Variants in NELL1 observed in about 807,000 individuals in gnomAD.
The protein encoded by NELL1 is neural EGFL like 1.
Under a neutral mutation model 107.4 loss-of-function variants are expected in NELL1, and 76 were observed. The observed-to-expected ratio is 0.71, with a 90% CI of 0.59 to 0.86. The LOEUF (loss-of-function observed/expected upper bound fraction) is 0.86, where lower values mean the gene tolerates loss of function less well. Among genes scored for constraint, NELL1 ranks in the 40% least tolerant of loss-of-function variants. The pLI is 0.00. For missense variants in NELL1, 1,024 were observed against 1,005.5 expected (o/e 1.02, Z -0.25); for synonymous variants, 353 against 341.2 (o/e 1.03, Z -0.38).
chr11:20,947,312 C>A, intron 10 of NELL1, 24 bp from the exon 11 acceptor site: 5 of 1,524,946 alleles, frequency 3.3e-6, no homozygotes, highest in Non-Finnish European at 4.5e-6. Flanking sequence ...ACATCTTTTT[C>A]TTTCCCTAAT....
chr11:21,326,831 C>G, intron 14 of NELL1, among the ~76,000 whole-genome samples: 1 of 151,666 alleles, frequency 6.6e-6, no homozygotes, highest in South Asian at 2.1e-4. Context: ...GACTGAATAT[C>G]TCTGTCTTAT....
intron 12 of NELL1, among the ~76,000 whole-genome samples, chr11:20,987,323 T>C (rs755236621): frequency 3.9e-5 from 6 of 152,208 alleles, no homozygotes; most frequent in Non-Finnish European, 7.3e-5. Context: ...AAATCCCTTC[T>C]CTACAAGTTA....
intron 2 of NELL1, among the ~76,000 whole-genome samples, chr11:20,742,943 G>A (rs1268968628): frequency 2.0e-5 from 3 of 152,074 alleles, no homozygotes; most frequent in Non-Finnish European, 2.9e-5. Flanking sequence ...ATGTTTCTGT[G>A]TGCACATTTT....
intron 13 of NELL1, among the ~76,000 whole-genome samples, chr11:21,172,112 A>C (rs1299980054): frequency 2.0e-5 from 3 of 151,662 alleles, no homozygotes; most frequent in Non-Finnish European, 2.9e-5. Flanking sequence ...TAAAAACTGC[A>C]CCGCAAAGGG....
intron 12 of NELL1, among the ~76,000 whole-genome samples, chr11:20,998,148 G>T (rs1349573106): frequency 6.6e-6 from 1 of 151,954 alleles, no homozygotes; most frequent in Non-Finnish European, 1.5e-5. Context: ...AAAATTATAA[G>T]AATATTAAGA....
intron 12 of NELL1, among the ~76,000 whole-genome samples, chr11:20,987,459 G>T (rs962545162): frequency 6.6e-6 from 1 of 152,154 alleles, no homozygotes; most frequent in African/African-American, 2.4e-5. Context: ...GGCTGGGGAG[G>T]CCTCAGGAAA....
At chr11:20,979,711 C>T (rs887426079) in intron 12 of NELL1, among the ~76,000 whole-genome samples, 43 of 152,204 alleles carry the variant, frequency 2.8e-4, no homozygotes, top group African/African-American at 9.1e-4. Flanking sequence ...AGTGATAGGC[C>T]GTGTTCATTG....
chr11:21,435,455 T>C (rs1207712872), intron 15 of NELL1, among the ~76,000 whole-genome samples: 1 of 144,866 alleles, frequency 6.9e-6, no homozygotes, highest in Admixed American at 6.8e-5. Flanking sequence ...GTTTTTTTTT[T>C]ACCATGAAGA....
intron 13 of NELL1, among the ~76,000 whole-genome samples, chr11:21,221,691 A>G (rs1857760961): frequency 6.6e-6 from 1 of 151,988 alleles, no homozygotes; most frequent in African/African-American, 2.4e-5. Flanking sequence ...ATAGTGTCTA[A>G]TGATTTTTTT....
intron 12 of NELL1, among the ~76,000 whole-genome samples, chr11:21,018,058 C>T (rs1852610450): frequency 6.6e-6 from 1 of 152,112 alleles, no homozygotes; most frequent in Admixed American, 6.6e-5. Flanking sequence ...ATCCTAGGCA[C>T]AATTTGTCGC....
chr11:21,372,816 G>T (rs1851386645), intron 15 of NELL1, among the ~76,000 whole-genome samples: 1 of 152,130 alleles, frequency 6.6e-6, no homozygotes, highest in East Asian at 1.9e-4. Context: ...ACCAGGGCCT[G>T]TGATCAGTAG....
chr11:21,269,295 T>C (rs906270680), intron 14 of NELL1, among the ~76,000 whole-genome samples: 5 of 151,962 alleles, frequency 3.3e-5, no homozygotes, highest in Admixed American at 3.3e-4. Context: ...CAACAAACCA[T>C]GTATTCAGGA....
chr11:21,504,925 T>C (rs1037202337), intron 15 of NELL1, among the ~76,000 whole-genome samples: 2 of 152,144 alleles, frequency 1.3e-5, no homozygotes, highest in African/African-American at 4.8e-5. Flanking sequence ...GAGTTAAGGG[T>C]ATTCTAGCTA....
At chr11:21,148,085 G>T (rs555580078) in intron 13 of NELL1, among the ~76,000 whole-genome samples, 12 of 152,206 alleles carry the variant, frequency 7.9e-5, no homozygotes, top group African/African-American at 2.9e-4. Flanking sequence ...TATCTTAAGT[G>T]TGTGTGCCAC....
At chr11:20,744,183 C>T (rs528928058) in intron 2 of NELL1, among the ~76,000 whole-genome samples, 22 of 152,162 alleles carry the variant, frequency 1.4e-4, no homozygotes, top group South Asian at 4.1e-4. Flanking sequence ...CCTCCACTTA[C>T]GCTCCACTCT....
chr11:20,701,149 T>G (rs1339790974), intron 2 of NELL1, among the ~76,000 whole-genome samples: 1 of 152,182 alleles, frequency 6.6e-6, no homozygotes, highest in Non-Finnish European at 1.5e-5. Context: ...TTCCTATTTC[T>G]CCACATCCTC....
intron 12 of NELL1, among the ~76,000 whole-genome samples, chr11:21,099,391 A>G (rs1316376252): frequency 6.6e-6 from 1 of 151,906 alleles, no homozygotes; most frequent in African/African-American, 2.4e-5. Context: ...GGAGGAAGAG[A>G]ATGCCTCTCT....
intron 15 of NELL1, among the ~76,000 whole-genome samples, chr11:21,418,117 T>G (rs961659253): frequency 6.6e-6 from 1 of 152,082 alleles, no homozygotes; most frequent in African/African-American, 2.4e-5. Context: ...TTTCACTTAT[T>G]CAACAGGGGT....
intron 15 of NELL1, among the ~76,000 whole-genome samples, chr11:21,522,340 TAAAGAA>T (rs1448869765): frequency 6.6e-6 from 1 of 151,924 alleles, no homozygotes; most frequent in Non-Finnish European, 1.5e-5. Context: ...GGTGATTAGA[TAAAGAA>T]AATGTGTTAG....
Sources: allele counts gnomAD v4.1 joint callset (sites outside exome capture counted in the v4.1 genomes callset), GRCh38; gene constraint gnomAD v4.1.1; transcripts MANE v1.5; gene names NCBI Gene and HGNC (gene_info 2026-07-23, HGNC 2026-07-21).